PLD5: variants seen among roughly 807,000 people sequenced by gnomAD.
PLD5 encodes phospholipase D family member 5.
Under a neutral mutation model 61.1 loss-of-function variants are expected in PLD5, and 36 were observed. That is an observed-to-expected ratio of 0.59 (90% CI 0.45 to 0.78). PLD5 has a LOEUF of 0.78. Ranked by LOEUF, PLD5 falls within the 30% of genes least tolerant of loss-of-function variation. The pLI, the probability that PLD5 is intolerant of heterozygous loss-of-function variation, is 0.00. For synonymous variants in PLD5, 243 were observed against 242.8 expected (o/e 1.00, Z -0.01); for missense variants, 515 against 644.4 (o/e 0.80, Z 2.17).
intron 5 of PLD5, among the ~76,000 whole-genome samples, chr1:242,161,135 C>A (rs1665794489): frequency 6.6e-6 from 1 of 151,936 alleles, no homozygotes; most frequent in Non-Finnish European, 1.5e-5. Context: ...TCTTACGCTG[C>A]TAATAAAGAC....
chr1:242,524,236 TG>T lies in PLD5; in HGVS notation c.40del (p.His14MetfsTer7). On this transcript the variant is annotated frameshift_variant, in exon 1 of 10. Coordinates refer to ENST00000536534, the MANE Select transcript of PLD5 (RefSeq NM_001372062.1). LOFTEE classifies it high-confidence loss of function. Reference protein sequence around the residue: ...RQHEWLSASPHEGFEQMRLKS... With the variant: ...RQHEWLSASPXEGFEQMRLKS... ...GAGCCTCATCTGCTCGAAGCCCTCA[TG>T]GGGGGAGGCCGAGAGCCACTCGTGC... is the stretch of plus-strand genomic sequence containing the variant. 6.6e-7 allele frequency: 1 copy of T among 1,516,342 alleles called. No homozygotes were observed. The highest frequency in any genetic ancestry group is 8.8e-7 in the Non-Finnish European group (1 of 1,137,646). The allele number at this position is 1,516,342 out of a possible 1,614,324, so 93.9% of individuals were successfully genotyped here.
chr1:242,391,824 G>A (rs1216159144), intron 1 of PLD5, among the ~76,000 whole-genome samples: 2 of 152,094 alleles, frequency 1.3e-5, no homozygotes. Flanking sequence ...GCCATGCACA[G>A]GAATACTAAA....
intron 4 of PLD5, among the ~76,000 whole-genome samples, chr1:242,231,151 A>G (rs1412972779): frequency 1.3e-5 from 2 of 152,198 alleles, no homozygotes; most frequent in African/African-American, 4.8e-5. Context: ...GTGGCTCATT[A>G]GTTCTATTAA....
chr1:242,374,410 A>C (rs996747698), intron 1 of PLD5, among the ~76,000 whole-genome samples: 1 of 152,164 alleles, frequency 6.6e-6, no homozygotes, highest in African/African-American at 2.4e-5. Context: ...TGTGGCTCAG[A>C]AAACAATATC....
chr1:242,160,641 C>G (rs557693425), intron 5 of PLD5, among the ~76,000 whole-genome samples: 1 of 152,034 alleles, frequency 6.6e-6, no homozygotes, highest in Non-Finnish European at 1.5e-5. Context: ...AATCCCAGCA[C>G]TTTGGGAGCC....
intron 1 of PLD5, among the ~76,000 whole-genome samples, chr1:242,446,645 G>A (rs752501382): frequency 1.1e-4 from 17 of 152,136 alleles, no homozygotes; most frequent in South Asian, 4.1e-4. Flanking sequence ...ACATTGGACC[G>A]TCTCCCAGTT....
At chr1:242,305,958 G>A (rs111810404) in intron 2 of PLD5, among the ~76,000 whole-genome samples, 1 of 152,286 alleles carries the variant, frequency 6.6e-6, no homozygotes, top group African/African-American at 2.4e-5. Context: ...ACTGGAAAGG[G>A]GGGGAAGTCC....
intron 5 of PLD5, among the ~76,000 whole-genome samples, chr1:242,134,944 G>A (rs1663592269): frequency 6.6e-6 from 1 of 152,180 alleles, no homozygotes; most frequent in South Asian, 2.1e-4. Context: ...AACCCTGAGT[G>A]CAATCGCTGC....
chr1:242,348,777 G>C (rs1328296029), intron 1 of PLD5, among the ~76,000 whole-genome samples: 1 of 152,124 alleles, frequency 6.6e-6, no homozygotes, highest in Non-Finnish European at 1.5e-5. Flanking sequence ...TCAATAGGCC[G>C]GGCGCGGTGG....
At chr1:242,410,860 G>A (rs937159058) in intron 1 of PLD5, among the ~76,000 whole-genome samples, 6 of 151,690 alleles carry the variant, frequency 4.0e-5, no homozygotes, top group Non-Finnish European at 8.8e-5. Flanking sequence ...AGGTGATCAA[G>A]CACTACCCAC....
intron 1 of PLD5, among the ~76,000 whole-genome samples, chr1:242,495,616 C>A (rs370449006): frequency 1.3e-5 from 2 of 151,862 alleles, no homozygotes; most frequent in Non-Finnish European, 2.9e-5. Flanking sequence ...AATTGGTGAA[C>A]AAATAAGTGG....
chr1:242,255,536 G>A (rs1387362344), intron 4 of PLD5, among the ~76,000 whole-genome samples: 10 of 152,172 alleles, frequency 6.6e-5, no homozygotes, highest in South Asian at 2.1e-4. Flanking sequence ...AACATGGCAT[G>A]TGTATACATA....
In PLD5 at chr1:242,329,488, C is replaced by T. The variant is rs1659035707; in HGVS notation, c.326+18618G>A. On this transcript the variant is annotated intron_variant, in intron 2 of 9. Transcript: ENST00000536534. ...GAGGTCCTTGTCCACTATGCAGTACCAGCTTCTGGTCATCTCCACTCAGGT... is the reference window on the plus strand; with the variant it reads ...GAGGTCCTTGTCCACTATGCAGTACTAGCTTCTGGTCATCTCCACTCAGGT... Among the ~76,000 whole-genome samples, 3 of 152,134 alleles carry T rather than the reference C, an allele frequency of 2.0e-5. No individual in the cohort carries two copies. In the South Asian group the frequency reaches 6.2e-4, roughly 32 times the overall value.
intron 1 of PLD5, among the ~76,000 whole-genome samples, chr1:242,482,855 A>T (rs1667828898): frequency 6.6e-6 from 1 of 152,248 alleles, no homozygotes; most frequent in Non-Finnish European, 1.5e-5. Flanking sequence ...CTAATAGCTG[A>T]TCTCTCGGCA....
At chr1:242,434,055 A>G (rs1055033204) in intron 1 of PLD5, among the ~76,000 whole-genome samples, 8 of 152,236 alleles carry the variant, frequency 5.3e-5, no homozygotes, top group Non-Finnish European at 8.8e-5. Flanking sequence ...AGAGTGGAGG[A>G]GGGATCTACA....
chr1:242,510,800 G>A (rs373281077), intron 1 of PLD5, among the ~76,000 whole-genome samples: 3 of 151,642 alleles, frequency 2.0e-5, no homozygotes, highest in Non-Finnish European at 4.4e-5. Context: ...AGCCGAGATC[G>A]CGCCACTGCA....
intron 1 of PLD5, among the ~76,000 whole-genome samples, chr1:242,430,949 A>G (rs950456667): frequency 1.3e-5 from 2 of 152,142 alleles, no homozygotes; most frequent in Non-Finnish European, 2.9e-5. Context: ...TTTAGTTTTC[A>G]TCACCTGTCT....
intron 1 of PLD5, among the ~76,000 whole-genome samples, chr1:242,440,204 C>A (rs1666207046): frequency 1.3e-5 from 2 of 152,234 alleles, no homozygotes; most frequent in Admixed American, 1.3e-4. Context: ...TAGTTTTTTT[C>A]AGATAGATAT....
At chr1:242,432,355 G>T (rs554764244) in intron 1 of PLD5, among the ~76,000 whole-genome samples, 5 of 152,216 alleles carry the variant, frequency 3.3e-5, no homozygotes, top group Admixed American at 6.5e-5. Context: ...AATCAAAGGA[G>T]AAAACGAGCT....
Sources: allele counts gnomAD v4.1 joint callset (sites outside exome capture counted in the v4.1 genomes callset), GRCh38; gene constraint gnomAD v4.1.1; transcripts MANE v1.5; gene names NCBI Gene and HGNC (gene_info 2026-07-23, HGNC 2026-07-21).